The following FAM120AOS variants were observed in gnomAD, a reference collection of about 807,000 sequenced individuals.
The protein encoded by FAM120AOS is uncharacterized protein FAM120AOS.
A neutral mutation model predicts 20.2 loss-of-function variants in FAM120AOS; 15 were observed. The ratio of observed to expected loss-of-function variants is 0.74; its 90% CI spans 0.50 to 1.15. The LOEUF is 1.15. Among genes scored for constraint, FAM120AOS ranks in the 50% most tolerant of loss-of-function variants. The pLI is 0.00. For synonymous variants in FAM120AOS, 154 were observed against 154.0 expected, an observed-to-expected ratio of 1.00 and a Z score of 0.00; for missense variants, 327 against 351.9, an observed-to-expected ratio of 0.93 and a Z score of 0.57.
At position 93,445,002 on chromosome 9, in the gene FAM120AOS, G is replaced by GA. The variant is rs1856799684; in HGVS notation, c.*2608dup. ...GTGAATTTGTGGTATTAAATAAATG[G>GA]AAAAAAAGACAAACGGTACAAATTA... On this transcript the variant is annotated 3_prime_UTR_variant, in exon 3 of 3. Coordinates refer to ENST00000375412, the MANE Select transcript of FAM120AOS (RefSeq NM_198841.4). Among the ~76,000 whole-genome samples, 3 of 152,038 alleles carry GA rather than the reference G, an allele frequency of 2.0e-5. No homozygotes were observed. Among genetic ancestry groups the GA allele is most frequent in the Non-Finnish European group, 4.4e-5 (3 of 67,982 alleles).
chr9:93,447,602 C>T lies in FAM120AOS; in HGVS notation c.*9G>A, dbSNP rs770110625. ...TTTCAATGCCTCTGCAGAACTTGAC[C>T]CTAGTTTTTCAAATTGGACTCAAGA... On this transcript the variant is annotated 3_prime_UTR_variant, in exon 3 of 3. Coordinates refer to ENST00000375412, the MANE Select transcript of FAM120AOS (RefSeq NM_198841.4). 1.2e-5 allele frequency: 19 copies of T among 1,612,638 alleles called. No individual in the cohort carries two copies. In the South Asian group the frequency reaches 2.1e-4, roughly 18 times the overall value.
At position 93,445,080 on chromosome 9, in the gene FAM120AOS, T is replaced by C. The variant is rs1186387277; in HGVS notation, c.*2531A>G. Among the ~76,000 whole-genome samples, 1 of 152,076 alleles carries C rather than the reference T, an allele frequency of 6.6e-6. No individual in the cohort carries two copies. The highest frequency in any genetic ancestry group is 1.5e-5 in the Non-Finnish European group (1 of 68,008). ...ATGAAGGGATCCATTATCTGAAGAGTGGCTTAAGATTTAGAAGGCATAGCT... is the reference window on the plus strand; with the variant it reads ...ATGAAGGGATCCATTATCTGAAGAGCGGCTTAAGATTTAGAAGGCATAGCT... On this transcript the variant is annotated 3_prime_UTR_variant, in exon 3 of 3. Transcript: ENST00000375412.
chr9:93,448,812 A>G (rs1405083085), intron 2 of FAM120AOS, among the ~76,000 whole-genome samples: 2 of 151,564 alleles, frequency 1.3e-5, no homozygotes, highest in African/African-American at 4.8e-5. Context: ...TTTAGTAGAG[A>G]CGGAGTTTCA....
At chr9:93,451,985 C>A (rs755264001) in intron 1 of FAM120AOS, 162 bp downstream of exon 1, 1 of 1,546,608 alleles carries the variant, frequency 6.5e-7, no homozygotes, top group Admixed American at 2.0e-5. Flanking sequence ...GGTGGAGCTG[C>A]AGAAGCTGGC....
Position 93,452,985 on chromosome 9 carries a change from T to G in FAM120AOS, c.-276A>C. On this transcript the variant is annotated 5_prime_UTR_variant, in exon 1 of 3. Transcript: ENST00000375412. This position sits in a 1 kb window ranked among gnomAD's most constrained non-coding sequence, Gnocchi z 7.0. The stretch of plus-strand genomic sequence containing the variant: ...ACGCAGTGCCCTGTCCGTGTTCCTC[T>G]TAGTACAGGGTGTTTAGAGAATCTT... 1.5e-6 allele frequency: 2 copies of G among 1,325,484 alleles called. No homozygotes were observed. Among genetic ancestry groups the G allele is most frequent in the Non-Finnish European group, 1.9e-6 (2 of 1,039,146 alleles). The allele number at this position is 1,325,484 out of a possible 1,614,324, so 82.1% of individuals were successfully genotyped here. A position where few individuals can be genotyped will look rare whatever the true frequency, so the allele number is the denominator to read the frequency against.
rs777844260 is a variant in FAM120AOS, at chr9:93,452,200, C to G, written c.510G>C (p.Lys170Asn). 5 of 1,611,880 alleles carry G rather than the reference C, an allele frequency of 3.1e-6. No individual in the cohort carries two copies. The African/African-American group carries it at 6.7e-5, about 22-fold the overall frequency. The change falls in exon 1 of 3, where the codon AAG becomes AAC. Residue 170 changes from lysine (K) to asparagine (N), a missense_variant. Lys to Asn is a moderately conservative substitution (Grantham distance 94, BLOSUM62 0). Transcript: ENST00000375412. This position sits in a 1 kb window ranked among gnomAD's most constrained non-coding sequence, Gnocchi z 7.0. ...CSRAFSSAPLKKTKSSMLPPK... is the reference protein window; with the variant it reads ...CSRAFSSAPLNKTKSSMLPPK... ...GCGGCAACATCGAGCTCTTCGTCTT[C>G]TTCAACGGCGCGCTCGAGAAGGCCC... is the stretch of plus-strand genomic sequence containing the variant.
At position 93,452,253 on chromosome 9, in the gene FAM120AOS, G is replaced by C. The variant is rs781127336; in HGVS notation, c.457C>G (p.Pro153Ala). The part of the protein sequence containing the change: ...TICCAVWRSL[P>A]CRLTHSCSRA... The stretch of plus-strand genomic sequence containing the variant: ...CTGCACGAGTGGGTCAAGCGGCAGG[G>C]CAACGAGCGCCAGACGGCACAGCAG... Residue 153 changes from proline (P) to alanine (A), a missense_variant, in exon 1 of 3, where the codon CCC becomes GCC. Pro to Ala is a conservative substitution (Grantham distance 27, BLOSUM62 -1). This residue lies in a region of FAM120AOS where 86 missense variants were observed against 140.2 expected (regional missense o/e 0.61). Coordinates refer to ENST00000375412, the MANE Select transcript of FAM120AOS (RefSeq NM_198841.4). The surrounding 1 kb of genome is among the most constrained non-coding windows in gnomAD (Gnocchi z 7.0). The C allele has an allele frequency of 6.2e-7, 1 of 1,610,506 alleles. No homozygotes were observed. The highest frequency in any genetic ancestry group is 1.7e-5 in the Admixed American group (1 of 59,780).
chr9:93,452,415 G>A lies in FAM120AOS; in HGVS notation c.295C>T (p.Arg99Trp), dbSNP rs770417375. 2.5e-6 allele frequency: 4 copies of A among 1,583,458 alleles called. No homozygotes were observed. The South Asian group carries it at 3.4e-5, about 14-fold the overall frequency. Reference protein sequence around the residue: ...GIGVRRGPGPRPARIPGLTLT... With the variant: ...GIGVRRGPGPWPARIPGLTLT... Reference sequence around the variant, plus strand: ...GTGAGGCCGGGGATCCGGGCGGGCCGGGGACCGGGGCCGCGCCGCACCCCT... The same window carrying A: ...GTGAGGCCGGGGATCCGGGCGGGCCAGGGACCGGGGCCGCGCCGCACCCCT... Residue 99 changes from arginine to tryptophan, a missense_variant, in exon 1 of 3, where the codon CGG (arginine) becomes TGG (tryptophan). Arg to Trp is a moderately radical substitution (Grantham distance 101, BLOSUM62 -3). This residue lies in a region of FAM120AOS where 86 missense variants were observed against 140.2 expected (regional missense o/e 0.61). Transcript: ENST00000375412. The surrounding 1 kb of genome is among the most constrained non-coding windows in gnomAD (Gnocchi z 7.0).
rs372565267 is a variant in FAM120AOS, at chr9:93,452,467, C to A, written c.243G>T (p.Ala81=). ...TRCPQRRHGR[A]TFCALGRGIG... is the part of the protein sequence containing the mutation. ...TCCCCCTTCCCAGGGCGCAGAATGTCGCCCGGCCGTGGCGGCGCTGGGGGC... is the reference window on the plus strand; with the variant it reads ...TCCCCCTTCCCAGGGCGCAGAATGTAGCCCGGCCGTGGCGGCGCTGGGGGC... The change falls in exon 1 of 3, where the codon GCG becomes GCT. Residue 81 remains alanine (A), a synonymous_variant. Coordinates refer to ENST00000375412, the MANE Select transcript of FAM120AOS (RefSeq NM_198841.4). This position sits in a 1 kb window ranked among gnomAD's most constrained non-coding sequence, Gnocchi z 7.0. 1.9e-6 allele frequency: 3 copies of A among 1,547,596 alleles called. No individual in the cohort carries two copies. Among genetic ancestry groups the A allele is most frequent in the African/African-American group, 2.7e-5 (2 of 73,442 alleles).
Position 93,444,244 on chromosome 9 carries a change from T to C in FAM120AOS, c.*3367A>G, listed in dbSNP as rs1011479504. Among the ~76,000 whole-genome samples, 1 of 152,112 alleles carries C rather than the reference T, an allele frequency of 6.6e-6. No homozygotes were observed. Among genetic ancestry groups the C allele is most frequent in the African/African-American group, 2.4e-5 (1 of 41,408 alleles). On this transcript the variant is annotated 3_prime_UTR_variant, in exon 3 of 3. Transcript: ENST00000375412. ...TAGTAGAGACAGGGTTTCTCCATGT[T>C]GGTCAGGCTGGTCTTGAACTCCTGA... is the stretch of plus-strand genomic sequence containing the variant.
chr9:93,450,561 A>G lies in FAM120AOS; in HGVS notation c.602T>C (p.Val201Ala). The change falls in exon 2 of 3, where the codon GTG becomes GCG. Residue 201 changes from valine (V) to alanine (A), a missense_variant. Physicochemically the swap from Val to Ala is moderately conservative, Grantham distance 64. Coordinates refer to ENST00000375412, the MANE Select transcript of FAM120AOS (RefSeq NM_198841.4). The stretch of plus-strand genomic sequence containing the variant: ...TGTGCTGGGCAGCAGCTGTCCGGCC[A>G]CAGCCTGTCGGTTGCATCCTGCTCC... Reference protein sequence around the residue: ...CRGAGCNRQAVAGQLLPSTWS... With the variant: ...CRGAGCNRQAAAGQLLPSTWS... 1 of 1,607,496 alleles carries G rather than the reference A, an allele frequency of 6.2e-7. No individual in the cohort carries two copies. The highest frequency in any genetic ancestry group is 8.5e-7 in the Non-Finnish European group (1 of 1,176,486).
In FAM120AOS at chr9:93,452,174, G is replaced by A; in HGVS notation, c.536C>T (p.Pro179Leu). The change falls in exon 1 of 3, where the codon CCG becomes CTG. Residue 179 changes from proline (P) to leucine (L), a missense_variant. Transcript: ENST00000375412. This position sits in a 1 kb window ranked among gnomAD's most constrained non-coding sequence, Gnocchi z 7.0. ...LKKTKSSMLP[P>L]KQALASAARN... ...GGCGGCGCTGGCCAAGGCCTGCTTC[G>A]GCGGCAACATCGAGCTCTTCGTCTT... is the stretch of plus-strand genomic sequence containing the variant. 6.2e-7 allele frequency: 1 copy of A among 1,611,530 alleles called. No individual in the cohort carries two copies. Among genetic ancestry groups the A allele is most frequent in the African/African-American group, 1.3e-5 (1 of 74,840 alleles).
chr9:93,450,630 GGTAA>G (rs1564294486), intron 1 of FAM120AOS, 31 bp from the exon 2 acceptor site: 4 of 1,608,804 alleles, frequency 2.5e-6, no homozygotes, highest in Middle Eastern at 1.7e-4. Flanking sequence ...GAGAGATGAA[GGTAA>G]GTAAAAGCGG....
chr9:93,451,241 C>A, intron 1 of FAM120AOS: 1 of 1,519,216 alleles, frequency 6.6e-7, no homozygotes, highest in Non-Finnish European at 8.8e-7. Flanking sequence ...GGCGGCGTCC[C>A]GACGAACAGA....
intron 1 of FAM120AOS, chr9:93,451,392 T>C (rs1187864400): frequency 7.2e-7 from 1 of 1,389,804 alleles, no homozygotes; most frequent in East Asian, 2.8e-5. Flanking sequence ...TCTCTGGCCC[T>C]GCCGGGAACA....
Position 93,447,530 on chromosome 9 carries a change from T to C in FAM120AOS, c.*81A>G, listed in dbSNP as rs1856893439. 4.9e-6 allele frequency: 6 copies of C among 1,227,010 alleles called. No homozygotes were observed. Among genetic ancestry groups the C allele is most frequent in the South Asian group, 1.3e-5 (1 of 79,640 alleles). 76.0% of individuals were successfully genotyped at this position (1,227,010 alleles called of 1,614,324 possible). A position where few individuals can be genotyped will look rare whatever the true frequency, so the allele number is the denominator to read the frequency against. On this transcript the variant is annotated 3_prime_UTR_variant, in exon 3 of 3. Coordinates refer to ENST00000375412, the MANE Select transcript of FAM120AOS (RefSeq NM_198841.4). ...GAAGCAGAAGCTGAGGAATGGTGAA[T>C]AGAGCATTTTCCCTCACACGATGGG...
Position 93,450,596 on chromosome 9 carries a change from G to A in FAM120AOS, c.567C>T (p.Asn189=). The A allele has an allele frequency of 1.9e-6, 3 of 1,605,910 alleles. No individual in the cohort carries two copies. The highest frequency in any genetic ancestry group is 2.5e-6 in the Non-Finnish European group (3 of 1,176,702). Residue 189 remains asparagine, a synonymous_variant, in exon 2 of 3, where the codon AAC becomes AAT. Coordinates refer to ENST00000375412, the MANE Select transcript of FAM120AOS (RefSeq NM_198841.4). ...GGTTGCATCCTGCTCCTCTACAGAG[G>A]TTTCTCCAAAAAAAGAACAAATGGA... ...PKQALASAAR[N]LCRGAGCNRQ...
chr9:93,452,020 G>A lies in FAM120AOS; in HGVS notation c.563+127C>T. 6.4e-7 allele frequency: 1 copy of A among 1,559,140 alleles called. No homozygotes were observed. Among genetic ancestry groups the A allele is most frequent in the Non-Finnish European group, 8.7e-7 (1 of 1,152,872 alleles). On this transcript the variant is annotated intron_variant, in intron 1 of 2. Coordinates refer to ENST00000375412, the MANE Select transcript of FAM120AOS (RefSeq NM_198841.4). This position sits in a 1 kb window ranked among gnomAD's most constrained non-coding sequence, Gnocchi z 7.0. ...CCCGGGGCAGCCTGGTGGGCGGCGGGCGGCAGCGGCCCCCGCAGACCCCGC... is the reference window on the plus strand; with the variant it reads ...CCCGGGGCAGCCTGGTGGGCGGCGGACGGCAGCGGCCCCCGCAGACCCCGC...
intron 1 of FAM120AOS, chr9:93,451,756 C>T: frequency 2.0e-5 from 20 of 982,770 alleles, no homozygotes; most frequent in Non-Finnish European, 2.3e-5. Context: ...GAGGCGGCAG[C>T]ACATGGCGGC....
Sources: gnomAD v4.1 joint callset for allele counts (sites outside exome capture counted in the v4.1 genomes callset) on GRCh38, gnomAD v4.1.1 for gene constraint, gnomAD v4.1.1 regional missense constraint, Gnocchi (gnomAD v3.1) non-coding constraint, MANE v1.5 for transcripts, NCBI Gene and HGNC (gene_info 2026-07-23, HGNC 2026-07-21) for gene names.